The following ELP4 variants were observed in gnomAD, a reference collection of about 807,000 sequenced individuals.
ELP4 encodes the protein elongator acetyltransferase complex subunit 4, also known as elongator complex protein 4.
A neutral mutation model predicts 48.9 loss-of-function variants in ELP4; 51 were observed. That is an observed-to-expected ratio of 1.04 (90% confidence interval 0.83 to 1.32). ELP4 has a LOEUF of 1.32. Among genes scored for constraint, ELP4 ranks in the 40% most tolerant of loss-of-function variants. The pLI is 0.00. For synonymous variants in ELP4, 210 were observed against 189.2 expected, an observed-to-expected ratio of 1.11 and a Z score of -0.90; for missense variants, 519 against 514.6, an observed-to-expected ratio of 1.01 and a Z score of -0.08.
chr11:31,747,149 T>C (rs965544440), intron 9 of ELP4, among the ~76,000 whole-genome samples: 1 of 152,150 alleles, frequency 6.6e-6, no homozygotes, highest in Non-Finnish European at 1.5e-5. Context: ...CTCTTTTTAA[T>C]GAACTTACAG....
intron 3 of ELP4, among the ~76,000 whole-genome samples, chr11:31,546,971 G>A (rs927963098): frequency 6.6e-6 from 1 of 152,112 alleles, no homozygotes; most frequent in Middle Eastern, 3.4e-3. Context: ...GAATCTCTGG[G>A]ACACATTCAA....
In ELP4 at chr11:31,789,629, T is replaced by G. The variant is rs1949111715; in HGVS notation, c.*6105T>G. 4 of 691,392 alleles carry G rather than the reference T, an allele frequency of 5.8e-6. No homozygotes were observed. The East Asian group carries it at 1.1e-4, about 19-fold the overall frequency. The allele number at this position is 691,392 out of a possible 1,614,324, so 42.8% of individuals were successfully genotyped here. On this transcript the variant is annotated 3_prime_UTR_variant, in exon 10 of 10. Coordinates refer to ENST00000640961, the MANE Select transcript of ELP4 (RefSeq NM_019040.5). Reference sequence around the variant, plus strand: ...CAACACAGATCAAACATCCATCCAGTCTACATTGTTCTTTTTTTCATTATA... The same window carrying G: ...CAACACAGATCAAACATCCATCCAGGCTACATTGTTCTTTTTTTCATTATA...
intron 9 of ELP4, among the ~76,000 whole-genome samples, chr11:31,671,927 A>G (rs1945816591): frequency 6.6e-6 from 1 of 152,210 alleles, no homozygotes; most frequent in Non-Finnish European, 1.5e-5. Context: ...TAGGTCATCA[A>G]GCTCCAGGTC....
At chr11:31,517,951 T>C (rs1956146710) in intron 1 of ELP4, among the ~76,000 whole-genome samples, 1 of 152,138 alleles carries the variant, frequency 6.6e-6, no homozygotes, top group African/African-American at 2.4e-5. Context: ...ATACTTTAAA[T>C]ACATTTCTAC....
chr11:31,703,778 A>G (rs898080492), intron 9 of ELP4, among the ~76,000 whole-genome samples: 16 of 152,210 alleles, frequency 1.1e-4, no homozygotes, highest in African/African-American at 3.9e-4. Context: ...TTGAAAAATA[A>G]GAATTAGTGC....
intron 3 of ELP4, among the ~76,000 whole-genome samples, chr11:31,544,657 C>A (rs1956664235): frequency 6.6e-6 from 1 of 152,174 alleles, no homozygotes; most frequent in Admixed American, 6.5e-5. Flanking sequence ...AGAGGTTCTC[C>A]CAGCGCGCAG....
intron 9 of ELP4, 73 bp downstream of exon 9, chr11:31,650,294 A>G: frequency 2.0e-6 from 1 of 507,188 alleles, no homozygotes; most frequent in Non-Finnish European, 3.6e-6. Flanking sequence ...ACTTTATTTT[A>G]TTTTCATTTT....
At chr11:31,512,598 A>G (rs974028385) in intron 1 of ELP4, 4 of 152,218 alleles carry the variant, frequency 2.6e-5, no homozygotes, top group South Asian at 2.1e-4. Context: ...TATCTAACCC[A>G]TGTTCTCAAC....
At chr11:31,732,970 G>C (rs944732518) in intron 9 of ELP4, among the ~76,000 whole-genome samples, 2 of 152,120 alleles carry the variant, frequency 1.3e-5, no homozygotes, top group Admixed American at 6.5e-5. Flanking sequence ...GACAATAATA[G>C]TAGGAGATTT....
chr11:31,725,011 C>G (rs1947046338), intron 9 of ELP4, among the ~76,000 whole-genome samples: 1 of 152,206 alleles, frequency 6.6e-6, no homozygotes, highest in Admixed American at 6.5e-5. Context: ...TCTCCCTCCT[C>G]TTTGCAAGAC....
chr11:31,510,425 T>G, intron 1 of ELP4: 1 of 413,256 alleles, frequency 2.4e-6, no homozygotes, highest in Non-Finnish European at 4.3e-6. Flanking sequence ...AGAGACAGAC[T>G]TCATTAGAAG....
chr11:31,769,124 G>A lies in ELP4; in HGVS notation c.1144-14269G>A, dbSNP rs191471999. ...CCATTAAAAATTCTTTCTTCATACC[G>A]AGGAACTAGCAGACCCTTAAATGTG... is the stretch of plus-strand genomic sequence containing the variant. On this transcript the variant is annotated intron_variant, in intron 9 of 9. Coordinates refer to ENST00000640961, the MANE Select transcript of ELP4 (RefSeq NM_019040.5). Among the ~76,000 whole-genome samples the A allele has an allele frequency of 5.3e-5, 8 of 152,120 alleles. No homozygotes were observed. In the East Asian group the frequency reaches 5.8e-4, roughly 11 times the overall value.
intron 9 of ELP4, among the ~76,000 whole-genome samples, chr11:31,692,820 A>G (rs1165479433): frequency 3.9e-5 from 6 of 152,130 alleles, no homozygotes; most frequent in Non-Finnish European, 8.8e-5. Context: ...TTCAGGCTGC[A>G]GTTTAAATAT....
At chr11:31,660,481 C>T (rs779994552) in intron 9 of ELP4, among the ~76,000 whole-genome samples, 1 of 151,948 alleles carries the variant, frequency 6.6e-6, no homozygotes, top group Non-Finnish European at 1.5e-5. Flanking sequence ...AAAAGGCTAG[C>T]GCAAAGTAGC....
At chr11:31,749,428 C>T (rs762459289) in intron 9 of ELP4, among the ~76,000 whole-genome samples, 1 of 152,116 alleles carries the variant, frequency 6.6e-6, no homozygotes, top group African/African-American at 2.4e-5. Flanking sequence ...TATATATGGC[C>T]CTATACAGTC....
chr11:31,656,442 G>C (rs921296695), intron 9 of ELP4, among the ~76,000 whole-genome samples: 7 of 151,772 alleles, frequency 4.6e-5, no homozygotes, highest in Admixed American at 1.3e-4. Context: ...TCAACACGTA[G>C]GATATGAAAC....
At chr11:31,630,711 A>G (rs977967516) in intron 6 of ELP4, among the ~76,000 whole-genome samples, 1 of 152,110 alleles carries the variant, frequency 6.6e-6, no homozygotes, top group African/African-American at 2.4e-5. Flanking sequence ...AGGCTGAGGC[A>G]GGAGGATTGC....
chr11:31,549,688 G>T, intron 3 of ELP4, among the ~76,000 whole-genome samples: 1 of 152,092 alleles, frequency 6.6e-6, no homozygotes, highest in Non-Finnish European at 1.5e-5. Context: ...ACATGTACAC[G>T]TATGTTTATT....
At chr11:31,777,715 A>C (rs1315552035) in intron 9 of ELP4, among the ~76,000 whole-genome samples, 1 of 152,216 alleles carries the variant, frequency 6.6e-6, no homozygotes, top group African/African-American at 2.4e-5. Flanking sequence ...TCTTCTCACA[A>C]GCTAAGAAGA....
Sources: allele counts gnomAD v4.1 joint callset (sites outside exome capture counted in the v4.1 genomes callset), GRCh38; gene constraint gnomAD v4.1.1; transcripts MANE v1.5; gene names NCBI Gene and HGNC (gene_info 2026-07-23, HGNC 2026-07-21).